Variants in HECTD4 observed in about 807,000 individuals in gnomAD.
HECTD4 encodes the protein HECT domain E3 ubiquitin protein ligase 4.
Under a neutral mutation model 471.5 loss-of-function variants are expected in HECTD4, and 114 were observed. The observed-to-expected ratio is 0.24, with a 90% CI of 0.21 to 0.28. The LOEUF (loss-of-function observed/expected upper bound fraction) is 0.28. Among genes scored for constraint, HECTD4 ranks in the 10% least tolerant of loss-of-function variants. The pLI is 1.00. For missense variants in HECTD4, 3,866 were observed against 5,651.5 expected (o/e 0.68, Z 10.13); for synonymous variants, 2,012 against 2,256.0 (o/e 0.89, Z 3.07).
chr12:112,371,776 C>T (rs1003880059), intron 1 of HECTD4, among the ~76,000 whole-genome samples: 1 of 149,372 alleles, frequency 6.7e-6, no homozygotes, highest in Non-Finnish European at 1.5e-5. Flanking sequence ...ATCCCAGCTA[C>T]TTGGAAGGCT....
chr12:112,219,558 G>T (rs2033030922), intron 44 of HECTD4, 69 bp from the exon 45 acceptor site: 6 of 1,084,146 alleles, frequency 5.5e-6, no homozygotes, highest in Non-Finnish European at 8.3e-6. Context: ...TGACTCTTTT[G>T]GAGCAGCATC....
chr12:112,176,048 C>T (rs1443082035), intron 65 of HECTD4, among the ~76,000 whole-genome samples, 189 bp from the exon 66 acceptor site: 1 of 152,244 alleles, frequency 6.6e-6, no homozygotes, highest in African/African-American at 2.4e-5. Flanking sequence ...CATAAGCCCT[C>T]ATGTGCCCAG....
chr12:112,285,132 C>T (rs1271472887), intron 7 of HECTD4, among the ~76,000 whole-genome samples: 1 of 152,162 alleles, frequency 6.6e-6, no homozygotes, highest in Admixed American at 6.6e-5. Context: ...GCCACCATGC[C>T]CAGCCTGGTT....
chr12:112,327,551 GTTA>G (rs1389813294), intron 1 of HECTD4, among the ~76,000 whole-genome samples: 1 of 152,020 alleles, frequency 6.6e-6, no homozygotes, highest in Non-Finnish European at 1.5e-5. Context: ...AAACATGGAT[GTTA>G]TTTTTTCTCT....
chr12:112,160,801 T>G lies in HECTD4; in HGVS notation c.*1586A>C, dbSNP rs1267240116. 6.6e-6 allele frequency: 1 copy of G among 152,208 alleles called. No individual in the cohort carries two copies. The highest frequency in any genetic ancestry group is 1.5e-5 in the Non-Finnish European group (1 of 68,042). 9.4% of individuals were successfully genotyped at this position (152,208 alleles called of 1,614,324 possible). A position where few individuals can be genotyped will look rare whatever the true frequency, so the allele number is the denominator to read the frequency against. On this transcript the variant is annotated 3_prime_UTR_variant, in exon 76 of 76. Coordinates refer to ENST00000682272, the MANE Select transcript of HECTD4 (RefSeq NM_001388303.1). The stretch of plus-strand genomic sequence containing the variant: ...CCACACTCAAAGGAGCTGTGGCCGC[T>G]GGGGAGGCAGCGGGCTGACCATCTT...
chr12:112,183,411 T>G lies in HECTD4; in HGVS notation c.10780-145A>C, dbSNP rs1337260127. 21 of 673,834 alleles carry G rather than the reference T, an allele frequency of 3.1e-5. No individual in the cohort carries two copies. The East Asian group carries it at 5.1e-4, about 16-fold the overall frequency. 41.7% of individuals were successfully genotyped at this position (673,834 alleles called of 1,614,324 possible). On this transcript the variant is annotated intron_variant, in intron 61 of 75. Transcript: ENST00000682272. ...CTGCCCTACTCTGGTGAGCTGGACC[T>G]CCTGGGAAACTTTCTCCCACAGGCC...
In HECTD4 at chr12:112,256,532, G is replaced by C; in HGVS notation, c.3129-14C>G. On this transcript the variant is annotated splice_polypyrimidine_tract_variant and intron_variant, in intron 20 of 75. Transcript: ENST00000682272. ...TCTTCTAACATTCTAAACAGAAAAA[G>C]AGAAAGTGATTTAGCTTAGCAGCCA... 6.6e-7 allele frequency: 1 copy of C among 1,510,886 alleles called. No individual in the cohort carries two copies. The highest frequency in any genetic ancestry group is 8.8e-7 in the Non-Finnish European group (1 of 1,131,726). The allele number at this position is 1,510,886 out of a possible 1,614,324, so 93.6% of individuals were successfully genotyped here.
chr12:112,178,790 C>A (rs1188496399), intron 64 of HECTD4, 141 bp downstream of exon 64: 3 of 1,008,076 alleles, frequency 3.0e-6, no homozygotes, highest in Non-Finnish European at 4.2e-6. Context: ...CCGCTGCACT[C>A]CAGCCTGGGC....
At position 112,251,086 on chromosome 12, in the gene HECTD4, C is replaced by A; in HGVS notation, c.3601G>T (p.Ala1201Ser). The A allele has an allele frequency of 6.2e-7, 1 of 1,613,990 alleles. No homozygotes were observed. Among genetic ancestry groups the A allele is most frequent in the South Asian group, 1.1e-5 (1 of 91,078 alleles). The change falls in exon 24 of 76, where the codon GCT (alanine) becomes TCT (serine). Residue 1201 changes from alanine to serine, a missense_variant. By Grantham distance (99) the Ala-to-Ser change is moderately conservative. This residue lies in a region of HECTD4 where 281 missense variants were observed against 499.9 expected (regional missense o/e 0.56). Transcript: ENST00000682272. ...SGGLPFLVDL[A>S]LGLSVLACSM... ...CAAGCTAACACAGACAGACCTAAAG[C>A]CAGGTCTACCAGAAAGGGCAAGCCT...
chr12:112,342,722 C>T (rs905461320), intron 1 of HECTD4, among the ~76,000 whole-genome samples: 39 of 152,228 alleles, frequency 2.6e-4, no homozygotes, highest in African/African-American at 9.4e-4. Context: ...AAGAAGTTGC[C>T]TCTGTGAGAT....
chr12:112,326,963 A>G (rs1315198777), intron 1 of HECTD4, among the ~76,000 whole-genome samples: 10 of 152,232 alleles, frequency 6.6e-5, no homozygotes, highest in Non-Finnish European at 1.5e-4. Flanking sequence ...AGAAGTAAGA[A>G]ATACACAGAG....
At chr12:112,312,829 T>G (rs2035398054) in intron 4 of HECTD4, among the ~76,000 whole-genome samples, 188 bp downstream of exon 4, 1 of 152,232 alleles carries the variant, frequency 6.6e-6, no homozygotes, top group East Asian at 1.9e-4. Flanking sequence ...CTATCCATTT[T>G]CTTACCTCAC....
At chr12:112,212,983 A>G (rs1442486374) in intron 48 of HECTD4, among the ~76,000 whole-genome samples, 1 of 152,114 alleles carries the variant, frequency 6.6e-6, no homozygotes. Context: ...TTTAGTAGAG[A>G]CAGGGTTTTG....
chr12:112,356,452 T>A (rs967477001), intron 1 of HECTD4, among the ~76,000 whole-genome samples: 25 of 152,146 alleles, frequency 1.6e-4, no homozygotes, highest in Admixed American at 3.9e-4. Flanking sequence ...TGTTTTTTGT[T>A]TTTAGAAAGA....
At chr12:112,224,468 G>A (rs757580946) in intron 44 of HECTD4, among the ~76,000 whole-genome samples, 5 of 152,000 alleles carry the variant, frequency 3.3e-5, no homozygotes, top group South Asian at 2.1e-4. Context: ...GGGTTTCACC[G>A]TGTTAGCCAG....
Position 112,283,203 on chromosome 12 carries a change from T to G in HECTD4, c.1435A>C (p.Ser479Arg). 6.2e-7 allele frequency: 1 copy of G among 1,613,866 alleles called. No homozygotes were observed. Residue 479 changes from serine (S) to arginine (R), a missense_variant, in exon 8 of 76, where the codon AGT becomes CGT. Physicochemically the swap from Ser to Arg is moderately radical, Grantham distance 110. Transcript: ENST00000682272. ...GAGGCTCTATACCGAGAAAGTCTAC[T>G]TAGAAGCATCTCATTAATGCTTTTG... is the stretch of plus-strand genomic sequence containing the variant. ...SAKSINEMLL[S>R]RLSRYRASPS...
chr12:112,341,423 T>C (rs2036052481), intron 1 of HECTD4, among the ~76,000 whole-genome samples: 1 of 152,174 alleles, frequency 6.6e-6, no homozygotes, highest in Non-Finnish European at 1.5e-5. Context: ...ATGCACCCAG[T>C]GACTACTCAA....
chr12:112,358,210 A>C (rs886492850), intron 1 of HECTD4, among the ~76,000 whole-genome samples: 1 of 152,232 alleles, frequency 6.6e-6, no homozygotes, highest in Non-Finnish European at 1.5e-5. Flanking sequence ...CTCAAAAAAA[A>C]TAAAAAATAA....
intron 62 of HECTD4, among the ~76,000 whole-genome samples, chr12:112,182,835 C>G (rs996898042): frequency 6.6e-6 from 1 of 152,248 alleles, no homozygotes; most frequent in African/African-American, 2.4e-5. Flanking sequence ...ACATAACCAG[C>G]CCCCACTGAC....
Sources: gnomAD v4.1 joint callset for allele counts (sites outside exome capture counted in the v4.1 genomes callset) on GRCh38, gnomAD v4.1.1 for gene constraint, gnomAD v4.1.1 regional missense constraint, MANE v1.5 for transcripts, NCBI Gene and HGNC (gene_info 2026-07-23, HGNC 2026-07-21) for gene names.